The following ZNF544 variants were observed in gnomAD, a reference collection of about 807,000 sequenced individuals.
ZNF544 encodes zinc finger protein 544.
ZNF544 carries 10 observed loss-of-function variants against 13.5 expected under a neutral mutation model. The observed-to-expected ratio is 0.74, with a 90% CI of 0.46 to 1.25. ZNF544 has a LOEUF of 1.25. Among genes scored for constraint, ZNF544 ranks in the 50% most tolerant of loss-of-function variants. ZNF544 has a pLI of 0.00. For missense variants in ZNF544, 896 were observed against 845.6 expected (o/e 1.06, Z -0.74); for synonymous variants, 323 against 300.5 (o/e 1.07, Z -0.77).
intron 4 of ZNF544, among the ~76,000 whole-genome samples, chr19:58,244,932 A>C (rs2044756742): frequency 6.7e-6 from 1 of 148,686 alleles, no homozygotes; most frequent in Non-Finnish European, 1.5e-5. Flanking sequence ...CACCCTTGTG[A>C]CTTCATTTAA....
intron 5 of ZNF544, among the ~76,000 whole-genome samples, chr19:58,272,287 G>T (rs2050729898): frequency 1.3e-5 from 2 of 152,148 alleles, no homozygotes; most frequent in Admixed American, 1.3e-4. Context: ...GAGTTGGATG[G>T]GTGTGGTGGC....
chr19:58,249,936 C>T (rs78198235), intron 6 of ZNF544, among the ~76,000 whole-genome samples: 166 of 152,236 alleles, frequency 1.1e-3, no homozygotes, highest in South Asian at 8.1e-3. Flanking sequence ...TTCCCAGTCC[C>T]GCGGTTATTT....
rs1167887900 is a variant in ZNF544, at chr19:58,241,144, A to AAT, written c.-59-2808_-59-2807dup. Among the ~76,000 whole-genome samples the AAT allele has an allele frequency of 3.1e-4, 23 of 73,762 alleles. 1 individual carries two copies. The highest frequency in any genetic ancestry group is 9.3e-4 in the African/African-American group (17 of 18,368). 48.4% of individuals were successfully genotyped at this position (73,762 alleles called of 152,430 possible). A position where few individuals can be genotyped will look rare whatever the true frequency, so the allele number is the denominator to read the frequency against. Reference sequence around the variant, plus strand: ...GCACCACCATGGCCAGCCAATTTAAAATATATATATATATTTAAATATATA... The same window carrying AAT: ...GCACCACCATGGCCAGCCAATTTAAAATATATATATATATATTTAAATATATA... On this transcript the variant is annotated intron_variant, in intron 3 of 6. Coordinates refer to ENST00000687789, the MANE Select transcript of ZNF544 (RefSeq NM_014480.4).
chr19:58,260,035 C>T (rs905622294), intron 6 of ZNF544, among the ~76,000 whole-genome samples: 12 of 152,258 alleles, frequency 7.9e-5, no homozygotes, highest in African/African-American at 2.9e-4. Context: ...GAGTTTGAGG[C>T]TGCAGTGAGC....
chr19:58,246,760 G>A lies in ZNF544; in HGVS notation c.210G>A (p.Glu70=), dbSNP rs764928318. ...TGATCTCTCAGCTGGAGCAAGAAGAGGACCTGTGCAGGGCAGAGCAGGAGG... is the reference window on the plus strand; with the variant it reads ...TGATCTCTCAGCTGGAGCAAGAAGAAGACCTGTGCAGGGCAGAGCAGGAGG... ...SDVISQLEQE[E]DLCRAEQEAP... is the part of the protein sequence containing the mutation. Residue 70 remains glutamate, a synonymous_variant, in exon 6 of 7, where the codon GAG becomes GAA. Transcript: ENST00000687789. 6.2e-7 allele frequency: 1 copy of A among 1,614,126 alleles called. No homozygotes were observed. Among genetic ancestry groups the A allele is most frequent in the Non-Finnish European group, 8.5e-7 (1 of 1,179,988 alleles).
intron 5 of ZNF544, among the ~76,000 whole-genome samples, chr19:58,272,534 C>T (rs2050755785): frequency 6.6e-6 from 1 of 151,956 alleles, no homozygotes; most frequent in Non-Finnish European, 1.5e-5. Context: ...CCAGCCTGGG[C>T]AACAGAGTGA....
rs529845077 is a variant in ZNF544, at chr19:58,263,106, T to A, written c.*352T>A. On this transcript the variant is annotated 3_prime_UTR_variant, in exon 7 of 7. Transcript: ENST00000687789. Reference sequence around the variant, plus strand: ...GAATGTTAACAAATGTGGAAAAGCTTCCAGTTATGATACTTTCCTTATTCA... The same window carrying A: ...GAATGTTAACAAATGTGGAAAAGCTACCAGTTATGATACTTTCCTTATTCA... 7.3e-5 allele frequency: 76 copies of A among 1,038,820 alleles called. No individual in the cohort carries two copies. In the African/African-American group the frequency reaches 1.2e-3, roughly 16 times the overall value. The allele number at this position is 1,038,820 out of a possible 1,614,324, so 64.4% of individuals were successfully genotyped here. A position where few individuals can be genotyped will look rare whatever the true frequency, so the allele number is the denominator to read the frequency against.
chr19:58,274,726 T>C (rs762527910), intron 5 of ZNF544, among the ~76,000 whole-genome samples: 19 of 152,322 alleles, frequency 1.2e-4, no homozygotes, highest in Non-Finnish European at 2.6e-4. Context: ...CATTGTATTA[T>C]ATTTTTTCAA....
intron 6 of ZNF544, chr19:58,251,447 G>T: frequency 2.0e-6 from 1 of 508,490 alleles, no homozygotes; most frequent in South Asian, 1.4e-5. Flanking sequence ...ACCCCAGAAG[G>T]CATGGCCAGT....
intron 6 of ZNF544, chr19:58,257,488 A>T (rs2147502196): frequency 6.6e-6 from 1 of 152,322 alleles, no homozygotes. Flanking sequence ...GCTGAAGTGA[A>T]GTTACAAAGT....
At chr19:58,241,598 G>A (rs1311240635) in intron 3 of ZNF544, among the ~76,000 whole-genome samples, 1 of 151,400 alleles carries the variant, frequency 6.6e-6, no homozygotes, top group Non-Finnish European at 1.5e-5. Flanking sequence ...CTGGGTTCAC[G>A]CTATTTTCCT....
At chr19:58,253,980 G>A (rs1021425141) in intron 6 of ZNF544, among the ~76,000 whole-genome samples, 10 of 152,056 alleles carry the variant, frequency 6.6e-5, no homozygotes, top group African/African-American at 2.2e-4. Flanking sequence ...GGTGGCTCAC[G>A]CCTGTAATCC....
At chr19:58,270,364 C>T (rs990566027) in intron 5 of ZNF544, among the ~76,000 whole-genome samples, 7 of 149,564 alleles carry the variant, frequency 4.7e-5, no homozygotes, top group East Asian at 2.0e-4. Context: ...TGCAGTGGCG[C>T]GATCTTGGCT....
chr19:58,256,593 T>A (rs2047437794), intron 6 of ZNF544, among the ~76,000 whole-genome samples: 1 of 152,218 alleles, frequency 6.6e-6, no homozygotes, highest in Admixed American at 6.5e-5. Flanking sequence ...TTCTAAATCT[T>A]TCATTATAAT....
Position 58,262,427 on chromosome 19 carries a change from C to G in ZNF544, c.1821C>G (p.Asn607Lys), listed in dbSNP as rs749212514. 8.7e-6 allele frequency: 14 copies of G among 1,614,098 alleles called. No individual in the cohort carries two copies. The highest frequency in any genetic ancestry group is 3.3e-4 in the Middle Eastern group (2 of 6,060). Residue 607 changes from asparagine (N) to lysine (K), a missense_variant, in exon 7 of 7, where the codon AAC becomes AAG. Coordinates refer to ENST00000687789, the MANE Select transcript of ZNF544 (RefSeq NM_014480.4). ...CTGGAGAAAAGCCCTATGAATGTAA[C>G]GAGTGTGGAAAAGCCTTCAATCGAA... ...THTGEKPYEC[N>K]ECGKAFNRST...
intron 6 of ZNF544, among the ~76,000 whole-genome samples, chr19:58,276,656 C>G (rs1253670057): frequency 6.6e-6 from 1 of 152,106 alleles, no homozygotes; most frequent in East Asian, 1.9e-4. Flanking sequence ...GTATTAGAGA[C>G]AAGGTTTCAC....
intron 3 of ZNF544, among the ~76,000 whole-genome samples, chr19:58,238,375 G>A (rs765666848): frequency 3.1e-4 from 47 of 152,178 alleles, no homozygotes; most frequent in Non-Finnish European, 5.7e-4. Context: ...TGGGAGAGAG[G>A]AGAAAAGTCA....
Position 58,235,995 on chromosome 19 carries a change from G to A in ZNF544, c.-60+5533G>A, listed in dbSNP as rs1222640915. Among the ~76,000 whole-genome samples, 3 of 151,956 alleles carry A rather than the reference G, an allele frequency of 2.0e-5. 1 individual carries two copies. Among genetic ancestry groups the A allele is most frequent in the Admixed American group, 1.3e-4 (2 of 15,240 alleles). Reference sequence around the variant, plus strand: ...GAATCGCTTGAACCCAGGAGGTGGAGGTTGCAGTGAGCCGAGATCATGCCA... The same window carrying A: ...GAATCGCTTGAACCCAGGAGGTGGAAGTTGCAGTGAGCCGAGATCATGCCA... On this transcript the variant is annotated intron_variant, in intron 3 of 6. Coordinates refer to ENST00000687789, the MANE Select transcript of ZNF544 (RefSeq NM_014480.4).
intron 3 of ZNF544, among the ~76,000 whole-genome samples, chr19:58,240,423 A>G (rs1028305550): frequency 4.0e-5 from 6 of 151,850 alleles, no homozygotes; most frequent in Non-Finnish European, 7.4e-5. Context: ...ACGCCCGTCT[A>G]ATTTTTTGTA....
Sources: allele counts gnomAD v4.1 joint callset (sites outside exome capture counted in the v4.1 genomes callset), GRCh38; gene constraint gnomAD v4.1.1; transcripts MANE v1.5; gene names NCBI Gene and HGNC (gene_info 2026-07-23, HGNC 2026-07-21).